The following CIB1 variants were observed in gnomAD, a reference collection of about 807,000 sequenced individuals.
The protein encoded by CIB1 is calcium and integrin binding 1, also known as calcium and integrin-binding protein 1.
A neutral mutation model predicts 25.0 loss-of-function variants in CIB1; 19 were observed. The observed-to-expected ratio is 0.76, with a 90% CI of 0.53 to 1.12. The LOEUF is 1.12. Among genes scored for constraint, CIB1 ranks in the 50% most tolerant of loss-of-function variants. CIB1 has a pLI of 0.00. For synonymous variants in CIB1, 104 were observed against 98.5 expected, an observed-to-expected ratio of 1.06 and a Z score of -0.33; for missense variants, 236 against 242.6, an observed-to-expected ratio of 0.97 and a Z score of 0.18.
the CIB1 span, chr15:90,264,661 G>A: frequency 6.6e-7 from 1 of 1,512,302 alleles, no homozygotes. Context: ...AGTTGGGAAA[G>A]AGGTGAACAA....
At chr15:90,260,867 A>AAAG in the CIB1 span, among the ~76,000 whole-genome samples, 1 of 151,272 alleles carries the variant, frequency 6.6e-6, no homozygotes, top group Admixed American at 6.6e-5. Flanking sequence ...AAAAAAAAAA[A>AAAG]AGAGAGAAAG....
chr15:90,264,552 A>G, the CIB1 span, among the ~76,000 whole-genome samples: 1 of 152,190 alleles, frequency 6.6e-6, no homozygotes, highest in Non-Finnish European at 1.5e-5. Context: ...TAATAGGAAC[A>G]TGGACAAAAA....
chr15:90,258,301 A>G, the CIB1 span: 1 of 1,602,274 alleles, frequency 6.2e-7, no homozygotes, highest in Non-Finnish European at 8.6e-7. Flanking sequence ...TTGCAAAACC[A>G]AGGTCCAGAG....
intron 1 of CIB1, 36 bp downstream of exon 1, chr15:90,233,799 G>T: frequency 6.4e-7 from 1 of 1,550,638 alleles, no homozygotes; most frequent in Non-Finnish European, 8.7e-7. Context: ...GAAGAGGCCC[G>T]CACGCGAGCT....
At chr15:90,233,543 C>G in intron 2 of CIB1, 126 bp downstream of exon 2, 2 of 1,253,802 alleles carry the variant, frequency 1.6e-6, no homozygotes, top group Non-Finnish European at 2.3e-6. Flanking sequence ...GGCTAGGTCT[C>G]CCGGCCTCCA....
chr15:90,233,641 C>T (rs745653718), intron 2 of CIB1, 28 bp downstream of exon 2: 13 of 1,566,934 alleles, frequency 8.3e-6, no homozygotes, highest in Non-Finnish European at 1.1e-5. Context: ...ATCCCGGGGT[C>T]GGAGGCAGGG....
chr15:90,263,833 G>A, the CIB1 span: 27 of 748,120 alleles, frequency 3.6e-5, no homozygotes, highest in Non-Finnish European at 6.1e-5. Context: ...CACAGAGCAG[G>A]GCGCTCCTCA....
At position 90,233,897 on chromosome 15, in the gene CIB1, G is replaced by A; in HGVS notation, c.-12C>T. ...CCCGAGCCCCCCATCGCCCCGCCGC[G>A]CGCACAGCTCCGCCAACTCGCCTCG... On this transcript the variant is annotated 5_prime_UTR_variant, in exon 1 of 7. Coordinates refer to ENST00000328649, the MANE Select transcript of CIB1 (RefSeq NM_006384.4). 4.1e-6 allele frequency: 6 copies of A among 1,466,744 alleles called. No individual in the cohort carries two copies. Among genetic ancestry groups the A allele is most frequent in the Non-Finnish European group, 4.5e-6 (5 of 1,113,062 alleles). 90.9% of individuals were successfully genotyped at this position (1,466,744 alleles called of 1,614,324 possible). A position where few individuals can be genotyped will look rare whatever the true frequency, so the allele number is the denominator to read the frequency against.
rs1191597910 is a variant in CIB1 at position 90,231,178 on chromosome 15, G to C, written c.382C>G (p.Leu128Val). The C allele has an allele frequency of 3.7e-6, 6 of 1,613,812 alleles. No individual in the cohort carries two copies. The highest frequency in any genetic ancestry group is 1.6e-4 in the Middle Eastern group (1 of 6,062). ...GTGAGGCAGTTCACCAGCCGGCTCA[G>C]GTCTTCTCTGTTCAAGGTTCCGTCA... ...DDDGTLNRED[L>V]SRLVNCLTGE... The change falls in exon 5 of 7, where the codon CTG becomes GTG. Residue 128 changes from leucine to valine, a missense_variant. Leu to Val is a conservative substitution (Grantham distance 32). Transcript: ENST00000328649.
At chr15:90,254,492 A>T in the CIB1 span, among the ~76,000 whole-genome samples, 35 of 73,430 alleles carry the variant, frequency 4.8e-4, no homozygotes, top group African/African-American at 1.9e-3. Context: ...GACTCCATCT[A>T]AAAAAAAAAA....
upstream of CIB1, among the ~76,000 whole-genome samples, chr15:90,236,719 G>T (rs1198271228): frequency 1.3e-5 from 2 of 151,322 alleles, no homozygotes; most frequent in Non-Finnish European, 2.9e-5. Context: ...TTTTTTTTTA[G>T]TAGAGACGGG....
At chr15:90,253,254 C>T in the CIB1 span, 32 of 1,613,342 alleles carry the variant, frequency 2.0e-5, no homozygotes, top group East Asian at 3.1e-4. Flanking sequence ...TGCAGTGCGT[C>T]GGGCAGCCCA....
chr15:90,261,770 A>T, the CIB1 span, among the ~76,000 whole-genome samples: 1 of 152,158 alleles, frequency 6.6e-6, no homozygotes, highest in African/African-American at 2.4e-5. Context: ...ACAGTGCAAG[A>T]CCCTGTCTCA....
intron 6 of CIB1, 116 bp from the exon 7 acceptor site, chr15:90,230,621 C>A: frequency 8.9e-7 from 1 of 1,127,714 alleles, no homozygotes; most frequent in Non-Finnish European, 1.3e-6. Flanking sequence ...TTCCGTGTGT[C>A]AGCCCCCTCT....
the CIB1 span, chr15:90,253,416 G>T: frequency 7.0e-7 from 1 of 1,437,726 alleles, no homozygotes; most frequent in South Asian, 1.3e-5. Context: ...GCCCCAGAAT[G>T]ACTATTCCCA....
chr15:90,256,331 A>G, the CIB1 span: 1 of 1,613,294 alleles, frequency 6.2e-7, no homozygotes, highest in Non-Finnish European at 8.5e-7. Flanking sequence ...AGCCTTCCCT[A>G]GTCCCCAGCA....
intron 3 of CIB1, among the ~76,000 whole-genome samples, chr15:90,231,977 C>T (rs1962504137): frequency 6.6e-6 from 1 of 152,216 alleles, no homozygotes. Context: ...TCTTAAGGGA[C>T]AAAACTTCTT....
chr15:90,261,891 G>T, the CIB1 span: 1 of 823,924 alleles, frequency 1.2e-6, no homozygotes, highest in Non-Finnish European at 1.8e-6. Flanking sequence ...ACTTGGGCAG[G>T]GGCCCAGGAG....
At chr15:90,254,283 A>T in the CIB1 span, among the ~76,000 whole-genome samples, 2 of 151,552 alleles carry the variant, frequency 1.3e-5, no homozygotes, top group East Asian at 1.9e-4. Context: ...TCATGAGGTC[A>T]GGAGTTCAAG....
Sources: allele counts gnomAD v4.1 joint callset (sites outside exome capture counted in the v4.1 genomes callset), GRCh38; gene constraint gnomAD v4.1.1; transcripts MANE v1.5; gene names NCBI Gene and HGNC (gene_info 2026-07-23, HGNC 2026-07-21).